The following RASGRF2 variants were observed in gnomAD, a reference collection of about 807,000 sequenced individuals.
RASGRF2 encodes ras-specific guanine nucleotide-releasing factor 2.
A neutral mutation model predicts 151.0 loss-of-function variants in RASGRF2; 76 were observed. That is an observed-to-expected ratio of 0.50 (90% CI 0.42 to 0.61). RASGRF2 has a LOEUF of 0.61. RASGRF2 is among the 20% of genes least tolerant of loss of function. RASGRF2 has a pLI of 0.00. For synonymous variants in RASGRF2, 504 were observed against 566.5 expected (o/e 0.89, Z 1.57); for missense variants, 1,148 against 1,564.6 (o/e 0.73, Z 4.49).
intron 17 of RASGRF2, among the ~76,000 whole-genome samples, chr5:81,146,700 C>T (rs986656320): frequency 6.6e-6 from 1 of 152,150 alleles, no homozygotes; most frequent in African/African-American, 2.4e-5. Context: ...CTAGCCACCA[C>T]TGACCTCGCT....
Position 80,960,708 on chromosome 5 carries a change from C to T in RASGRF2, c.-31C>T. The stretch of plus-strand genomic sequence containing the variant: ...GGCCGCGAGGCAGGGGTGAGACCGG[C>T]GGCCACCCGTGAGCCCTCCGCACCC... On this transcript the variant is annotated 5_prime_UTR_variant, in exon 1 of 27. Transcript: ENST00000265080. The surrounding 1 kb of genome is among the most constrained non-coding windows in gnomAD (Gnocchi z 5.5). The T allele has an allele frequency of 6.8e-7, 1 of 1,467,812 alleles. No homozygotes were observed. The highest frequency in any genetic ancestry group is 2.5e-5 in the East Asian group (1 of 39,432). The allele number at this position is 1,467,812 out of a possible 1,614,324, so 90.9% of individuals were successfully genotyped here.
In RASGRF2 at chr5:80,979,521, TTG is replaced by T. The variant is rs562558368; in HGVS notation, c.288+18499_288+18500del. Among the ~76,000 whole-genome samples, 3 of 152,306 alleles carry T rather than the reference TTG, an allele frequency of 2.0e-5. No individual in the cohort carries two copies. The South Asian group carries it at 6.2e-4, about 32-fold the overall frequency. On this transcript the variant is annotated intron_variant, in intron 1 of 26. Transcript: ENST00000265080. ...ATATTTTGCATTTTCTGAAATTAAG[TTG>T]TGTTTTCAATTATTGTGTACGTATG...
intron 1 of RASGRF2, among the ~76,000 whole-genome samples, chr5:81,021,469 G>A (rs922386314): frequency 6.6e-6 from 1 of 151,986 alleles, no homozygotes; most frequent in Non-Finnish European, 1.5e-5. Context: ...AATATAAAAG[G>A]CCCCTTTTAG....
At chr5:81,155,458 G>T (rs572654832) in intron 17 of RASGRF2, among the ~76,000 whole-genome samples, 1 of 152,294 alleles carries the variant, frequency 6.6e-6, no homozygotes, top group East Asian at 1.9e-4. Flanking sequence ...AAACTAGATT[G>T]ATCAGTAAAA....
intron 9 of RASGRF2, among the ~76,000 whole-genome samples, chr5:81,089,196 A>G: frequency 6.6e-6 from 1 of 152,162 alleles, no homozygotes; most frequent in East Asian, 1.9e-4. Context: ...AGACCCATTG[A>G]GGCGTTTTCA....
rs182896571 is a variant in RASGRF2 at position 80,965,983 on chromosome 5, A to G, written c.288+4957A>G. 1.2e-4 allele frequency among the ~76,000 whole-genome samples: 19 copies of G among 152,240 alleles called. No homozygotes were observed. The East Asian group carries it at 3.5e-3, about 28-fold the overall frequency. Reference sequence around the variant, plus strand: ...ATGAAATAAGTCAGATTGACCAACCATATGGATTTGCTCAAGTCTTAAATT... The same window carrying G: ...ATGAAATAAGTCAGATTGACCAACCGTATGGATTTGCTCAAGTCTTAAATT... On this transcript the variant is annotated intron_variant, in intron 1 of 26. Transcript: ENST00000265080.
intron 4 of RASGRF2, among the ~76,000 whole-genome samples, chr5:81,071,975 T>A (rs1004791411): frequency 2.0e-5 from 3 of 152,206 alleles, no homozygotes; most frequent in African/African-American, 7.2e-5. Context: ...GATAAAATTT[T>A]AAAAATATTT....
At chr5:81,060,805 G>A (rs1751407136) in intron 2 of RASGRF2, among the ~76,000 whole-genome samples, 1 of 152,094 alleles carries the variant, frequency 6.6e-6, no homozygotes, top group Non-Finnish European at 1.5e-5. Context: ...CAGAAATATT[G>A]GAAAGTATGG....
At chr5:81,145,888 A>T (rs1239354090) in intron 17 of RASGRF2, among the ~76,000 whole-genome samples, 3 of 152,228 alleles carry the variant, frequency 2.0e-5, no homozygotes, top group Admixed American at 2.0e-4. Flanking sequence ...TGTTAGGTAG[A>T]TACAGATAAC....
chr5:81,018,277 A>G (rs764947743), intron 1 of RASGRF2, among the ~76,000 whole-genome samples: 9 of 152,124 alleles, frequency 5.9e-5, no homozygotes, highest in Non-Finnish European at 1.2e-4. Flanking sequence ...AAGTGTGAGG[A>G]GAAGGGGAGG....
chr5:81,195,880 A>G (rs758439044), intron 18 of RASGRF2, among the ~76,000 whole-genome samples: 2 of 152,124 alleles, frequency 1.3e-5, no homozygotes, highest in African/African-American at 2.4e-5. Flanking sequence ...ACCTCTCTTC[A>G]GCCTGTGTGG....
intron 12 of RASGRF2, among the ~76,000 whole-genome samples, chr5:81,103,202 A>G (rs887006234): frequency 2.6e-5 from 4 of 152,118 alleles, no homozygotes; most frequent in African/African-American, 4.8e-5. Flanking sequence ...AAAATTCATT[A>G]AAGACAGTGA....
chr5:81,024,916 G>A (rs1013114010), intron 1 of RASGRF2, among the ~76,000 whole-genome samples: 12 of 152,220 alleles, frequency 7.9e-5, no homozygotes, highest in African/African-American at 2.9e-4. Context: ...TTGCTGCAGG[G>A]AAGGCCGATG....
At chr5:81,007,989 G>A (rs1262109522) in intron 1 of RASGRF2, among the ~76,000 whole-genome samples, 2 of 152,008 alleles carry the variant, frequency 1.3e-5, no homozygotes, top group East Asian at 3.9e-4. Context: ...TCCAGCAATA[G>A]TATTTATTGT....
At chr5:81,057,692 G>A (rs746689288) in intron 2 of RASGRF2, among the ~76,000 whole-genome samples, 4 of 151,972 alleles carry the variant, frequency 2.6e-5, no homozygotes, top group African/African-American at 4.8e-5. Flanking sequence ...TTGTGATGAG[G>A]ACATTAAAAA....
intron 15 of RASGRF2, among the ~76,000 whole-genome samples, chr5:81,114,597 G>A (rs911444075): frequency 5.3e-5 from 8 of 152,076 alleles, no homozygotes; most frequent in African/African-American, 1.7e-4. Context: ...TCCCTGCCAG[G>A]GCCTTCAGTT....
intron 15 of RASGRF2, among the ~76,000 whole-genome samples, chr5:81,119,625 A>G (rs1251119252): frequency 6.6e-6 from 1 of 152,228 alleles, no homozygotes; most frequent in Non-Finnish European, 1.5e-5. Context: ...ACCTGTCAGT[A>G]CAGATATTGG....
chr5:81,188,099 CT>C, intron 18 of RASGRF2, among the ~76,000 whole-genome samples: 1 of 152,318 alleles, frequency 6.6e-6, no homozygotes, highest in Non-Finnish European at 1.5e-5. Flanking sequence ...GCTGTCACCT[CT>C]CCTGACGGCT....
At chr5:81,013,138 C>T (rs546467425) in intron 1 of RASGRF2, among the ~76,000 whole-genome samples, 9 of 152,294 alleles carry the variant, frequency 5.9e-5, no homozygotes, top group African/African-American at 1.9e-4. Context: ...CTCTAGCAGG[C>T]AGTTTACTTG....
Sources: allele counts gnomAD v4.1 joint callset (sites outside exome capture counted in the v4.1 genomes callset), GRCh38; gene constraint gnomAD v4.1.1; non-coding constraint Gnocchi (gnomAD v3.1); transcripts MANE v1.5; gene names NCBI Gene and HGNC (gene_info 2026-07-23, HGNC 2026-07-21).